Variants in ATG7 observed in about 807,000 individuals in gnomAD.
The protein encoded by ATG7 is ubiquitin-like modifier-activating enzyme ATG7.
Under a neutral mutation model 82.4 loss-of-function variants are expected in ATG7, and 70 were observed. The observed-to-expected ratio is 0.85, with a 90% CI of 0.70 to 1.04. The LOEUF (loss-of-function observed/expected upper bound fraction) is 1.04, where lower values mean the gene tolerates loss of function less well. Among genes scored for constraint, ATG7 ranks in the 50% least tolerant of loss-of-function variants. The probability of loss-of-function intolerance (pLI) is 0.00; values close to 1 mark genes in which losing one functional copy is unlikely to be tolerated. For missense variants in ATG7, 792 were observed against 864.3 expected (o/e 0.92, Z 1.05); for synonymous variants, 287 against 313.0 (o/e 0.92, Z 0.88).
At chr3:11,320,816 CAGTAGGCCTTCAGTG>C (rs940675179) in intron 9 of ATG7, among the ~76,000 whole-genome samples, 3 of 152,252 alleles carry the variant, frequency 2.0e-5, no homozygotes, top group Admixed American at 1.3e-4. Context: ...GCCTGGCACA[CAGTAGGCCTTCAGTG>C]AGTAGAGGGT....
intron 20 of ATG7, among the ~76,000 whole-genome samples, chr3:11,535,165 G>T (rs974156206): frequency 6.6e-6 from 1 of 152,200 alleles, no homozygotes; most frequent in Non-Finnish European, 1.5e-5. Context: ...ATCCTTCGGG[G>T]CCTGGACCCG....
intron 1 of ATG7, among the ~76,000 whole-genome samples, chr3:11,275,241 C>T (rs75660726): frequency 0.019 from 2,959 of 152,094 alleles, 101 homozygotes; most frequent in East Asian, 0.065. Flanking sequence ...ACTAGTGTCT[C>T]TAATAGATTA....
At chr3:11,301,982 TGAA>T (rs1230618467) in intron 5 of ATG7, among the ~76,000 whole-genome samples, 2 of 152,240 alleles carry the variant, frequency 1.3e-5, no homozygotes, top group Admixed American at 6.5e-5. Context: ...AAATTTTGGT[TGAA>T]GGAGATAAGA....
intron 5 of ATG7, among the ~76,000 whole-genome samples, chr3:11,303,999 G>A (rs1288071330): frequency 4.6e-5 from 7 of 151,876 alleles, no homozygotes; most frequent in Non-Finnish European, 1.0e-4. Flanking sequence ...GCTGAGGCAG[G>A]AGAAAGGCGT....
chr3:11,429,481 G>A (rs193153805), intron 20 of ATG7, among the ~76,000 whole-genome samples: 3 of 152,008 alleles, frequency 2.0e-5, no homozygotes, highest in Non-Finnish European at 2.9e-5. Flanking sequence ...GGGCGACAGA[G>A]CGAGACTCCA....
At chr3:11,550,416 T>C (rs887030891) in intron 20 of ATG7, among the ~76,000 whole-genome samples, 2 of 152,222 alleles carry the variant, frequency 1.3e-5, no homozygotes, top group African/African-American at 4.8e-5. Context: ...ATTTATTTCT[T>C]TGAGACAGGG....
intron 20 of ATG7, among the ~76,000 whole-genome samples, chr3:11,469,913 C>T (rs1253061032): frequency 1.4e-5 from 2 of 142,488 alleles, no homozygotes; most frequent in African/African-American, 2.6e-5. Flanking sequence ...TCTCTTGAAC[C>T]TGGGAGGCGG....
intron 19 of ATG7, among the ~76,000 whole-genome samples, chr3:11,381,733 T>C (rs977221199): frequency 3.9e-5 from 6 of 152,368 alleles, no homozygotes; most frequent in Non-Finnish European, 8.8e-5. Context: ...ACTTGGATTT[T>C]AACAGCTGTG....
At chr3:11,535,145 G>T (rs1355007299) in intron 20 of ATG7, among the ~76,000 whole-genome samples, 1 of 152,236 alleles carries the variant, frequency 6.6e-6, no homozygotes, top group Non-Finnish European at 1.5e-5. Flanking sequence ...CATTTCTGCT[G>T]GAATATTTCA....
chr3:11,435,747 GA>G (rs771754789), intron 20 of ATG7, among the ~76,000 whole-genome samples: 3 of 152,080 alleles, frequency 2.0e-5, no homozygotes, highest in Non-Finnish European at 4.4e-5. Flanking sequence ...TGTAGGATGT[GA>G]TTAATAATTC....
At chr3:11,522,422 G>C (rs1403944725) in intron 20 of ATG7, among the ~76,000 whole-genome samples, 1 of 152,104 alleles carries the variant, frequency 6.6e-6, no homozygotes, top group African/African-American at 2.4e-5. Flanking sequence ...TTCTGGGCTT[G>C]CTAGGGGACA....
chr3:11,363,241 CTT>C (rs111618869), intron 17 of ATG7: 1,025 of 155,902 alleles, frequency 6.6e-3, no homozygotes, highest in South Asian at 0.023. Context: ...CTCCTTCAAT[CTT>C]TTTTTTTTTT....
intron 20 of ATG7, among the ~76,000 whole-genome samples, chr3:11,497,072 A>C (rs1453047260): frequency 6.6e-6 from 1 of 151,672 alleles, no homozygotes; most frequent in African/African-American, 2.4e-5. Context: ...GCTGGTCTCA[A>C]ACTCATCAAC....
At chr3:11,480,873 G>T (rs544770790) in intron 20 of ATG7, among the ~76,000 whole-genome samples, 11 of 152,314 alleles carry the variant, frequency 7.2e-5, no homozygotes, top group Admixed American at 2.0e-4. Flanking sequence ...CTTCTTCCCA[G>T]TCCAGCATTA....
intron 20 of ATG7, among the ~76,000 whole-genome samples, chr3:11,538,874 C>CAAAA (rs60200228): frequency 1.0e-3 from 145 of 140,182 alleles, no homozygotes; most frequent in Non-Finnish European, 1.0e-3. Context: ...ACTCTTGTCT[C>CAAAA]AAAAAAAAAG....
chr3:11,362,881 A>G lies in ATG7; in HGVS notation c.1752A>G (p.Gly584=). The change falls in exon 17 of 21, where the codon GGA becomes GGG. Residue 584 remains glycine (G), a synonymous_variant. Transcript: ENST00000693202. ...VSRPGLAVIA[G]ALAVELMVSV... ...GTCCAGGACTGGCCGTGATTGCAGG[A>G]GCCCTGGCCGTGGAATTGATGGTAT... The G allele has an allele frequency of 6.2e-7, 1 of 1,614,096 alleles. No homozygotes were observed.
intron 2 of ATG7, among the ~76,000 whole-genome samples, chr3:11,281,774 C>CA (rs537058033): frequency 0.028 from 1,548 of 55,950 alleles, 8 homozygotes; most frequent in African/African-American, 0.047. Flanking sequence ...AACTCCATCT[C>CA]AAAAAAAAAA....
intron 12 of ATG7, 133 bp from the exon 13 acceptor site, chr3:11,342,002 A>G: frequency 1.9e-6 from 2 of 1,076,386 alleles, no homozygotes; most frequent in Non-Finnish European, 2.6e-6. Flanking sequence ...CTTACCCTCC[A>G]GTTTAATTTT....
intron 19 of ATG7, among the ~76,000 whole-genome samples, chr3:11,422,019 C>A (rs1162606671): frequency 6.6e-6 from 1 of 152,186 alleles, no homozygotes; most frequent in African/African-American, 2.4e-5. Context: ...AACAGATGTG[C>A]TGTTACCCAG....
Sources: gnomAD v4.1 joint callset for allele counts (sites outside exome capture counted in the v4.1 genomes callset) on GRCh38, gnomAD v4.1.1 for gene constraint, MANE v1.5 for transcripts, NCBI Gene and HGNC (gene_info 2026-07-23, HGNC 2026-07-21) for gene names.